The following ZNF709 variants were observed in gnomAD, a reference collection of about 807,000 sequenced individuals.
The protein encoded by ZNF709 is zinc finger protein 709.
ZNF709 carries 15 observed loss-of-function variants against 10.6 expected under a neutral mutation model. The observed-to-expected ratio is 1.41, with a 90% confidence interval of 0.95 to 2.18. ZNF709 has a LOEUF of 2.18. Ranked by LOEUF, ZNF709 falls within the 30% of genes most tolerant of loss-of-function variation. The pLI, the probability that ZNF709 is intolerant of heterozygous loss-of-function variation, is 0.00. For synonymous variants in ZNF709, 194 were observed against 238.8 expected, an observed-to-expected ratio of 0.81 and a Z score of 1.73; for missense variants, 589 against 774.0, an observed-to-expected ratio of 0.76 and a Z score of 2.84.
chr19:12,469,538 A>C (rs1970616046), intron 1 of ZNF709, among the ~76,000 whole-genome samples: 2 of 151,746 alleles, frequency 1.3e-5, no homozygotes, highest in Non-Finnish European at 2.9e-5. Flanking sequence ...GGAGGCTGAG[A>C]AGGGTGGATC....
chr19:12,464,959 A>T lies in ZNF709; in HGVS notation c.963T>A (p.Ser321Arg), dbSNP rs758285983. 1 of 1,605,682 alleles carries T rather than the reference A, an allele frequency of 6.2e-7. No homozygotes were observed. The highest frequency in any genetic ancestry group is 8.5e-7 in the Non-Finnish European group (1 of 1,177,212). The part of the protein sequence containing the change: ...KKCGKAFSFP[S>R]SFRKHERIHT... ...GAATTCTTTCATGTTTTCTAAAGGA[A>T]CTAGGAAAACTGAAGGCTTTCCCAC... The change falls in exon 4 of 4, where the codon AGT (serine) becomes AGA (arginine). Residue 321 changes from serine (S) to arginine (R), a missense_variant. Transcript: ENST00000397732.
At chr19:12,471,566 A>G (rs1970634766) in intron 1 of ZNF709, among the ~76,000 whole-genome samples, 1 of 152,202 alleles carries the variant, frequency 6.6e-6, no homozygotes, top group African/African-American at 2.4e-5. Context: ...TGTATCAAGG[A>G]TTTTCAAACT....
chr19:12,465,422 G>A lies in ZNF709; in HGVS notation c.500C>T (p.Pro167Leu). 8 of 1,613,418 alleles carry A rather than the reference G, an allele frequency of 5.0e-6. No individual in the cohort carries two copies. Among genetic ancestry groups the A allele is most frequent in the Non-Finnish European group, 6.8e-6 (8 of 1,179,784 alleles). Residue 167 changes from proline to leucine, a missense_variant, in exon 4 of 4, where the codon CCC (proline) becomes CTC (leucine). Coordinates refer to ENST00000397732, the MANE Select transcript of ZNF709 (RefSeq NM_152601.4). ...IHERTHTGEK[P>L]YKCKQCGKAF... Reference sequence around the variant, plus strand: ...CTTACCACACTGTTTACATTTATAGGGTTTCTCTCCAGTGTGAGTTCTTTC... The same window carrying A: ...CTTACCACACTGTTTACATTTATAGAGTTTCTCTCCAGTGTGAGTTCTTTC...
At chr19:12,466,065 T>A (rs1310035809) in intron 3 of ZNF709, among the ~76,000 whole-genome samples, 1 of 151,968 alleles carries the variant, frequency 6.6e-6, no homozygotes, top group Non-Finnish European at 1.5e-5. Flanking sequence ...CTCAGCTTCA[T>A]GAGTAGCTGG....
chr19:12,478,310 A>T (rs1970693108), intron 1 of ZNF709, among the ~76,000 whole-genome samples: 2 of 152,204 alleles, frequency 1.3e-5, no homozygotes, highest in African/African-American at 4.8e-5. Flanking sequence ...CACTTTAAGG[A>T]GTATCAAATC....
intron 1 of ZNF709, among the ~76,000 whole-genome samples, chr19:12,481,920 A>T (rs1243785658): frequency 1.3e-5 from 2 of 151,130 alleles, no homozygotes; most frequent in Admixed American, 6.6e-5. Flanking sequence ...TAAAAAAAAA[A>T]AAAAGGGAAG....
chr19:12,484,593 A>G, intron 1 of ZNF709, 62 bp downstream of exon 1: 1 of 1,600,142 alleles, frequency 6.2e-7, no homozygotes, highest in South Asian at 1.1e-5. Context: ...CCACAGCCAG[A>G]TCCGGCCGGT....
At chr19:12,478,656 A>G (rs1970695424) in intron 1 of ZNF709, among the ~76,000 whole-genome samples, 4 of 152,256 alleles carry the variant, frequency 2.6e-5, no homozygotes, top group South Asian at 4.1e-4. Flanking sequence ...TACTGTGATC[A>G]TTGAGGTCTT....
In ZNF709 at chr19:12,464,091, TGTGA is replaced by T. The variant is rs1307615167; in HGVS notation, c.1827_1830del (p.His610LeufsTer57). The T allele has an allele frequency of 7.7e-6, 12 of 1,562,016 alleles. No individual in the cohort carries two copies. The highest frequency in any genetic ancestry group is 1.4e-5 in the African/African-American group (1 of 73,192). On this transcript the variant is annotated frameshift_variant, in exon 4 of 4. Transcript: ENST00000397732. LOFTEE classifies it low-confidence loss of function (END_TRUNC). The stretch of plus-strand genomic sequence containing the variant: ...TGACATGCATAGGGTTTCTCTCCAG[TGTGA>T]GTTCGTTCATGGATTCGAAAGGAAC...
intron 2 of ZNF709, 28 bp downstream of exon 2, chr19:12,466,696 C>CT: frequency 6.2e-7 from 1 of 1,613,936 alleles, no homozygotes; most frequent in Non-Finnish European, 8.5e-7. Context: ...CTCTAATTGA[C>CT]TAAGTGAGGG....
At chr19:12,467,993 G>C (rs1414295595) in intron 1 of ZNF709, among the ~76,000 whole-genome samples, 3 of 149,366 alleles carry the variant, frequency 2.0e-5, no homozygotes, top group African/African-American at 7.5e-5. Context: ...GTCAGCCCCC[G>C]CACGGCCAGC....
In ZNF709 at chr19:12,462,625, ACT is replaced by A. The variant is rs1724483326; in HGVS notation, c.*1369_*1370del. On this transcript the variant is annotated 3_prime_UTR_variant, in exon 4 of 4. Coordinates refer to ENST00000397732, the MANE Select transcript of ZNF709 (RefSeq NM_152601.4). ...TAGCATAAAAAATAGAAAAAAGGGT[ACT>A]CTGTCTTCCTCTAAAAAAGCCTCTT... is the stretch of plus-strand genomic sequence containing the variant. The A allele has an allele frequency of 6.6e-6, 1 of 152,086 alleles. No individual in the cohort carries two copies. The highest frequency in any genetic ancestry group is 2.4e-5 in the African/African-American group (1 of 41,398). 9.4% of individuals were successfully genotyped at this position (152,086 alleles called of 1,614,324 possible).
chr19:12,471,737 G>T (rs1262507402), intron 1 of ZNF709, among the ~76,000 whole-genome samples: 1 of 152,098 alleles, frequency 6.6e-6, no homozygotes, highest in Non-Finnish European at 1.5e-5. Flanking sequence ...TATGCAGAAG[G>T]GACACACTGT....
At chr19:12,481,412 A>G (rs1306531932) in intron 1 of ZNF709, among the ~76,000 whole-genome samples, 1 of 151,618 alleles carries the variant, frequency 6.6e-6, no homozygotes, top group Admixed American at 6.6e-5. Flanking sequence ...GTTAATTTTT[A>G]TATTTTTAGT....
At chr19:12,484,573 C>T (rs1970762359) in intron 1 of ZNF709, 82 bp downstream of exon 1, 1 of 1,552,756 alleles carries the variant, frequency 6.4e-7, no homozygotes, top group African/African-American at 1.4e-5. Flanking sequence ...GCGGGGAGGC[C>T]TGGGTCCCAC....
chr19:12,476,461 G>C (rs1970679304), intron 1 of ZNF709, among the ~76,000 whole-genome samples: 1 of 151,756 alleles, frequency 6.6e-6, no homozygotes, highest in African/African-American at 2.4e-5. Flanking sequence ...CCCTGGGTTT[G>C]GTGACAAATG....
chr19:12,467,659 C>A (rs1378894050), intron 1 of ZNF709, among the ~76,000 whole-genome samples: 1 of 150,356 alleles, frequency 6.7e-6, no homozygotes, highest in Non-Finnish European at 1.5e-5. Flanking sequence ...AAGTGAGGAG[C>A]GCCTCTTCCC....
intron 1 of ZNF709, among the ~76,000 whole-genome samples, chr19:12,483,274 G>A (rs1041836636): frequency 4.0e-5 from 6 of 151,060 alleles, no homozygotes; most frequent in Non-Finnish European, 7.4e-5. Flanking sequence ...CCAAGTAGCT[G>A]GGACTACAAG....
intron 1 of ZNF709, among the ~76,000 whole-genome samples, chr19:12,478,030 T>C (rs1414410770): frequency 6.6e-6 from 1 of 152,178 alleles, no homozygotes; most frequent in African/African-American, 2.4e-5. Flanking sequence ...AACATGAGTG[T>C]GCCCTATAAT....
Sources: allele counts gnomAD v4.1 joint callset (sites outside exome capture counted in the v4.1 genomes callset), GRCh38; gene constraint gnomAD v4.1.1; transcripts MANE v1.5; gene names NCBI Gene and HGNC (gene_info 2026-07-23, HGNC 2026-07-21).